The following KIF3C variants were observed in gnomAD, a reference collection of about 807,000 sequenced individuals.
KIF3C encodes kinesin family member 3C.
In KIF3C, 12 loss-of-function variants were observed where a neutral mutation model predicts 67.7. That is an observed-to-expected ratio of 0.18 (90% confidence interval 0.11 to 0.29). The LOEUF (loss-of-function observed/expected upper bound fraction) is 0.29, where lower values mean the gene tolerates loss of function less well. Ranked by LOEUF, KIF3C falls within the 10% of genes least tolerant of loss-of-function variation. KIF3C has a pLI of 1.00. For synonymous variants in KIF3C, 393 were observed against 426.2 expected (o/e 0.92, Z 0.96); for missense variants, 789 against 1,059.6 (o/e 0.74, Z 3.55).
intron 5 of KIF3C, among the ~76,000 whole-genome samples, chr2:25,946,359 A>C (rs911044950): frequency 6.6e-6 from 1 of 151,990 alleles, no homozygotes; most frequent in African/African-American, 2.4e-5. Context: ...GTTCGAGACC[A>C]GCCTGGCCAA....
At chr2:25,943,275 G>A (rs1299695478) in intron 5 of KIF3C, among the ~76,000 whole-genome samples, 2 of 152,138 alleles carry the variant, frequency 1.3e-5, no homozygotes. Flanking sequence ...CACAGCTGCA[G>A]CCTCAGACCC....
intron 1 of KIF3C, among the ~76,000 whole-genome samples, chr2:25,957,224 A>C (rs952547375): frequency 7.9e-5 from 12 of 152,200 alleles, no homozygotes; most frequent in Admixed American, 7.9e-4. Flanking sequence ...TAATAAATGA[A>C]GACATTGAGA....
chr2:25,929,116 C>A (rs939309826), intron 7 of KIF3C, 45 bp from the exon 8 acceptor site: 2 of 1,545,540 alleles, frequency 1.3e-6, no homozygotes, highest in South Asian at 1.1e-5. Flanking sequence ...TAGGGAAATA[C>A]AGGAAACAGG....
chr2:25,947,457 T>G (rs1663476222), intron 5 of KIF3C, among the ~76,000 whole-genome samples: 1 of 151,696 alleles, frequency 6.6e-6, no homozygotes, highest in South Asian at 2.1e-4. Flanking sequence ...GGCAGGCACC[T>G]GTAGTCCCAG....
intron 4 of KIF3C, among the ~76,000 whole-genome samples, chr2:25,952,748 G>A (rs1041577949): frequency 1.8e-4 from 28 of 151,572 alleles, no homozygotes; most frequent in Non-Finnish European, 7.4e-5. Context: ...AGTAGAGATG[G>A]GGTTTCACCA....
At chr2:25,952,309 ATAAGT>A (rs1251770560) in intron 4 of KIF3C, among the ~76,000 whole-genome samples, 2 of 152,030 alleles carry the variant, frequency 1.3e-5, no homozygotes, top group Non-Finnish European at 2.9e-5. Context: ...TCAAAAAAAA[ATAAGT>A]TAATTAATTA....
intron 1 of KIF3C, among the ~76,000 whole-genome samples, chr2:25,969,681 A>G (rs1050876229): frequency 6.6e-6 from 1 of 151,824 alleles, no homozygotes; most frequent in African/African-American, 2.4e-5. Context: ...CTACTGATTT[A>G]TGTCCTTGGC....
chr2:25,941,002 T>C (rs984872783), intron 5 of KIF3C, among the ~76,000 whole-genome samples: 1 of 152,136 alleles, frequency 6.6e-6, no homozygotes, highest in Non-Finnish European at 1.5e-5. Context: ...TACTGCACCA[T>C]GATGCCTTTA....
At chr2:25,938,824 G>A (rs1003992457) in intron 5 of KIF3C, among the ~76,000 whole-genome samples, 3 of 152,024 alleles carry the variant, frequency 2.0e-5, no homozygotes, top group Admixed American at 6.6e-5. Flanking sequence ...GTTATCCTGC[G>A]TGCAGTACAT....
At chr2:25,978,593 C>G (rs1208302197) in intron 1 of KIF3C, among the ~76,000 whole-genome samples, 1 of 152,086 alleles carries the variant, frequency 6.6e-6, no homozygotes, top group Non-Finnish European at 1.5e-5. Flanking sequence ...CTTGGCCGTT[C>G]TATCATCTGT....
intron 1 of KIF3C, among the ~76,000 whole-genome samples, chr2:25,957,306 A>C (rs1663831774): frequency 6.6e-6 from 1 of 152,032 alleles, no homozygotes; most frequent in Admixed American, 6.6e-5. Context: ...CCCCAGTCTC[A>C]CTCTGTGAAA....
At position 25,959,878 on chromosome 2, in the gene KIF3C, C is replaced by T. The variant is rs188898204; in HGVS notation, c.1546-3434G>A. 2.0e-4 allele frequency among the ~76,000 whole-genome samples: 30 copies of T among 152,216 alleles called. No individual in the cohort carries two copies. In the East Asian group the frequency reaches 5.4e-3, roughly 27 times the overall value. On this transcript the variant is annotated intron_variant, in intron 1 of 7. Coordinates refer to ENST00000264712, the MANE Select transcript of KIF3C (RefSeq NM_002254.8). ...AAAGAGAAGAACCACATGGAGGAGGCCCCTACTGTTGTGGACCATGGATAC... is the reference window on the plus strand; with the variant it reads ...AAAGAGAAGAACCACATGGAGGAGGTCCCTACTGTTGTGGACCATGGATAC...
At chr2:25,929,884 G>A (rs2090444327) in intron 6 of KIF3C, 71 bp downstream of exon 6, 2 of 1,069,126 alleles carry the variant, frequency 1.9e-6, no homozygotes, top group Admixed American at 1.7e-5. Flanking sequence ...CCACAGTGCT[G>A]GGATTACAGG....
rs564405425 is a variant in KIF3C, at chr2:25,945,782, A to G, written c.2006+6007T>C. On this transcript the variant is annotated intron_variant, in intron 5 of 7. Coordinates refer to ENST00000264712, the MANE Select transcript of KIF3C (RefSeq NM_002254.8). ...TCCATCTCAACAACAACAGCAAAAT[A>G]ATACAACTTAACACTATGGAGGTAA... Among the ~76,000 whole-genome samples the G allele has an allele frequency of 7.3e-5, 11 of 151,564 alleles. No homozygotes were observed. The South Asian group carries it at 2.1e-3, about 29-fold the overall frequency.
chr2:25,952,452 T>C (rs1373865970), intron 4 of KIF3C, among the ~76,000 whole-genome samples: 2 of 151,718 alleles, frequency 1.3e-5, no homozygotes, highest in African/African-American at 4.8e-5. Context: ...TACACAAAAT[T>C]AGAAAAATGA....
intron 1 of KIF3C, among the ~76,000 whole-genome samples, chr2:25,970,396 G>A (rs371542569): frequency 5.3e-5 from 8 of 151,924 alleles, no homozygotes; most frequent in African/African-American, 1.9e-4. Flanking sequence ...GGCCGGGCGC[G>A]GTGGCTCACG....
At chr2:25,952,141 CA>C (rs1031063562) in intron 4 of KIF3C, among the ~76,000 whole-genome samples, 1 of 150,784 alleles carries the variant, frequency 6.6e-6, no homozygotes, top group Non-Finnish European at 1.5e-5. Flanking sequence ...ACTAAAAATA[CA>C]AAAAAAAATT....
intron 5 of KIF3C, among the ~76,000 whole-genome samples, chr2:25,931,934 G>GTTT (rs34040664): frequency 1.5e-5 from 2 of 130,190 alleles, no homozygotes; most frequent in Non-Finnish European, 3.2e-5. Context: ...GCACCTGGCT[G>GTTT]TTTTTTTTTT....
chr2:25,944,214 C>T (rs765010059), intron 5 of KIF3C, among the ~76,000 whole-genome samples: 3 of 151,096 alleles, frequency 2.0e-5, no homozygotes, highest in Non-Finnish European at 4.4e-5. Context: ...TGCACAGCTA[C>T]CTGATATTTC....
Sources: allele counts gnomAD v4.1 joint callset (sites outside exome capture counted in the v4.1 genomes callset), GRCh38; gene constraint gnomAD v4.1.1; transcripts MANE v1.5; gene names NCBI Gene and HGNC (gene_info 2026-07-23, HGNC 2026-07-21).